Variants in FHIT observed in about 807,000 individuals in gnomAD.
FHIT encodes bis(5'-adenosyl)-triphosphatase.
A neutral mutation model predicts 17.9 loss-of-function variants in FHIT; 19 were observed. The observed-to-expected ratio is 1.06, with a 90% confidence interval of 0.74 to 1.56. The LOEUF is 1.56. Among genes scored for constraint, FHIT ranks in the 40% most tolerant of loss-of-function variants. The pLI is 0.00. For missense variants in FHIT, 248 were observed against 189.2 expected (o/e 1.31, Z -1.82); for synonymous variants, 81 against 69.7 (o/e 1.16, Z -0.81).
intron 4 of FHIT, among the ~76,000 whole-genome samples, chr3:60,560,844 C>CACACACACAGAG (rs139684970): frequency 8.2e-6 from 1 of 122,348 alleles, no homozygotes; most frequent in Admixed American, 8.5e-5. Flanking sequence ...CACACACACA[C>CACACACACAGAG]AGAGAGAGAG....
intron 3 of FHIT, among the ~76,000 whole-genome samples, chr3:60,926,159 T>A (rs1252543144): frequency 2.0e-5 from 3 of 151,680 alleles, no homozygotes; most frequent in African/African-American, 7.3e-5. Flanking sequence ...AGACAGAAAG[T>A]TAACAAGGAT....
chr3:60,939,962 G>A (rs55679626), intron 3 of FHIT, among the ~76,000 whole-genome samples: 55,988 of 151,794 alleles, frequency 0.37, 11,072 homozygotes, highest in South Asian at 0.45. Flanking sequence ...AAATCATATT[G>A]TACTTTTTAT....
Position 60,441,711 on chromosome 3 carries a change from T to C in FHIT, c.103+95149A>G, listed in dbSNP as rs866123000. On this transcript the variant is annotated intron_variant, in intron 5 of 9. Transcript: ENST00000492590. ...ATGCATCTGTAGGTATTTATATATA[T>C]ATATATATATATTTGTATTTATATA... Among the ~76,000 whole-genome samples the C allele has an allele frequency of 1.0e-4, 10 of 98,748 alleles. No individual in the cohort carries two copies. In the South Asian group the frequency reaches 1.1e-3, roughly 11 times the overall value. The allele number at this position is 98,748 out of a possible 152,430, so 64.8% of individuals were successfully genotyped here.
At chr3:60,922,512 C>T (rs1284790032) in intron 3 of FHIT, among the ~76,000 whole-genome samples, 1 of 152,086 alleles carries the variant, frequency 6.6e-6, no homozygotes, top group Non-Finnish European at 1.5e-5. Context: ...GAGGTACCCA[C>T]CTTCAGGAGA....
At chr3:60,880,441 C>G (rs1176913993) in intron 3 of FHIT, among the ~76,000 whole-genome samples, 1 of 152,200 alleles carries the variant, frequency 6.6e-6, no homozygotes, top group Admixed American at 6.5e-5. Context: ...GTATAAAACT[C>G]ACTGGTAGAG....
rs77785131 is a variant in FHIT, at chr3:60,630,786, G to A, written c.-17-93807C>T. ...GACCCACTCCTTGTCCTATCTTGAC[G>A]TCCCTCTGGTTTATACAGAGTAATT... On this transcript the variant is annotated intron_variant, in intron 4 of 9. Coordinates refer to ENST00000492590, the MANE Select transcript of FHIT (RefSeq NM_002012.4). Among the ~76,000 whole-genome samples the A allele has an allele frequency of 4.6e-5, 7 of 152,062 alleles. No homozygotes were observed. In the South Asian group the frequency reaches 6.2e-4, roughly 14 times the overall value.
At chr3:60,602,455 G>C (rs1313761410) in intron 4 of FHIT, among the ~76,000 whole-genome samples, 1 of 152,072 alleles carries the variant, frequency 6.6e-6, no homozygotes, top group Non-Finnish European at 1.5e-5. Context: ...GTAATAGGTA[G>C]ATATTCTCAA....
intron 4 of FHIT, among the ~76,000 whole-genome samples, chr3:60,805,294 C>A (rs1701344061): frequency 6.6e-6 from 1 of 152,152 alleles, no homozygotes; most frequent in South Asian, 2.1e-4. Context: ...GTGGCTTAAA[C>A]AACAGAAATT....
At chr3:59,858,086 G>C (rs1487894399) in intron 8 of FHIT, among the ~76,000 whole-genome samples, 1 of 152,106 alleles carries the variant, frequency 6.6e-6, no homozygotes, top group East Asian at 1.9e-4. Flanking sequence ...AGTAAGTAAT[G>C]CAGAGAGAGT....
intron 2 of FHIT, among the ~76,000 whole-genome samples, chr3:61,076,017 C>T (rs1484021451): frequency 6.6e-6 from 1 of 152,140 alleles, no homozygotes; most frequent in African/African-American, 2.4e-5. Context: ...CATAAGTGCC[C>T]TATGACCAAG....
At chr3:60,323,292 C>G (rs899349772) in intron 5 of FHIT, among the ~76,000 whole-genome samples, 1 of 152,008 alleles carries the variant, frequency 6.6e-6, no homozygotes, top group Non-Finnish European at 1.5e-5. Context: ...AAGTGCTTGA[C>G]TAAATTTTCC....
intron 3 of FHIT, among the ~76,000 whole-genome samples, chr3:60,851,992 T>A (rs1553748543): frequency 3.3e-5 from 5 of 152,140 alleles, no homozygotes; most frequent in Non-Finnish European, 5.9e-5. Context: ...GCCCAGATAT[T>A]TGGTCGAACT....
chr3:60,584,257 C>A (rs781884999), intron 4 of FHIT, among the ~76,000 whole-genome samples: 8 of 152,040 alleles, frequency 5.3e-5, no homozygotes, highest in Non-Finnish European at 7.4e-5. Flanking sequence ...CACAGAAATT[C>A]AGAAATGTGT....
chr3:60,431,658 G>A (rs997914591), intron 5 of FHIT, among the ~76,000 whole-genome samples: 7 of 152,044 alleles, frequency 4.6e-5, no homozygotes, highest in African/African-American at 1.7e-4. Flanking sequence ...AAATGACAAA[G>A]CCATCTTACC....
At chr3:60,831,408 G>A (rs1446220849) in intron 3 of FHIT, among the ~76,000 whole-genome samples, 1 of 152,018 alleles carries the variant, frequency 6.6e-6, no homozygotes, top group African/African-American at 2.4e-5. Context: ...CTCTGGACTT[G>A]GCAGTTCAAA....
intron 3 of FHIT, among the ~76,000 whole-genome samples, chr3:60,894,768 A>T (rs1029691439): frequency 2.0e-5 from 3 of 152,186 alleles, no homozygotes; most frequent in African/African-American, 7.2e-5. Flanking sequence ...TATCATGAAC[A>T]TCCCATACTG....
chr3:60,130,933 T>TTA (rs1034536651), intron 5 of FHIT, among the ~76,000 whole-genome samples: 6 of 145,086 alleles, frequency 4.1e-5, no homozygotes, highest in Non-Finnish European at 7.6e-5. Flanking sequence ...ACATATATGT[T>TTA]TATATATATA....
intron 3 of FHIT, among the ~76,000 whole-genome samples, chr3:61,004,227 T>A (rs947976695): frequency 1.3e-5 from 2 of 152,148 alleles, no homozygotes; most frequent in Non-Finnish European, 2.9e-5. Context: ...ATCCTGCTAA[T>A]GTTAATGGCA....
intron 5 of FHIT, among the ~76,000 whole-genome samples, chr3:60,418,284 A>G (rs1702323860): frequency 6.7e-6 from 1 of 150,288 alleles, no homozygotes; most frequent in Non-Finnish European, 1.5e-5. Flanking sequence ...AAAAATATGT[A>G]TTAACATTAA....
Sources: gnomAD v4.1 joint callset for allele counts (sites outside exome capture counted in the v4.1 genomes callset) on GRCh38, gnomAD v4.1.1 for gene constraint, MANE v1.5 for transcripts, NCBI Gene and HGNC (gene_info 2026-07-23, HGNC 2026-07-21) for gene names.